The following DCC variants were observed in gnomAD, a reference collection of about 807,000 sequenced individuals.
DCC encodes DCC netrin 1 receptor.
A neutral mutation model predicts 172.5 loss-of-function variants in DCC; 58 were observed. The ratio of observed to expected loss-of-function variants is 0.34; its 90% CI spans 0.27 to 0.42. DCC has a LOEUF of 0.42. Ranked by LOEUF, DCC falls within the 10% of genes least tolerant of loss-of-function variation. DCC has a pLI of 1.00. For missense variants in DCC, 1,740 were observed against 1,791.0 expected (o/e 0.97, Z 0.51); for synonymous variants, 709 against 644.5 (o/e 1.10, Z -1.52).
chr18:52,817,612 A>T (rs1388534347), intron 2 of DCC, among the ~76,000 whole-genome samples: 1 of 152,134 alleles, frequency 6.6e-6, no homozygotes, highest in Non-Finnish European at 1.5e-5. Context: ...ATATATTTTC[A>T]TCTTAATGAG....
intron 1 of DCC, among the ~76,000 whole-genome samples, chr18:52,637,470 A>C (rs1807073234): frequency 6.6e-6 from 1 of 152,168 alleles, no homozygotes. Flanking sequence ...TAAAGAAAAA[A>C]AAATAAAGAA....
intron 7 of DCC, among the ~76,000 whole-genome samples, chr18:53,146,610 T>C (rs1309316231): frequency 2.0e-5 from 3 of 152,208 alleles, no homozygotes; most frequent in Non-Finnish European, 2.9e-5. Flanking sequence ...AAACACTCAA[T>C]TCATAGAAAG....
rs143475598 is a variant in DCC at position 52,446,087 on chromosome 18, C to T, written c.91+105209C>T. Among the ~76,000 whole-genome samples the T allele has an allele frequency of 3.7e-3, 559 of 152,232 alleles. 4 individuals carry two copies. The highest frequency in any genetic ancestry group is 0.013 in the African/African-American group (533 of 41,534). On this transcript the variant is annotated intron_variant, in intron 1 of 28. Transcript: ENST00000442544. ...AGCTGGGACTACAGGCGCCCGCCACCGCACCCCGCTAATTCTTTTGTATTT... is the reference window on the plus strand; with the variant it reads ...AGCTGGGACTACAGGCGCCCGCCACTGCACCCCGCTAATTCTTTTGTATTT...
chr18:52,420,850 T>C (rs192958816), intron 1 of DCC, among the ~76,000 whole-genome samples: 211 of 152,010 alleles, frequency 1.4e-3, no homozygotes, highest in Non-Finnish European at 1.2e-3. Context: ...TTAATGAGGA[T>C]TGGGTTTAGA....
At chr18:52,837,818 G>T (rs1002147970) in intron 2 of DCC, among the ~76,000 whole-genome samples, 1 of 152,106 alleles carries the variant, frequency 6.6e-6, no homozygotes, top group Middle Eastern at 3.2e-3. Context: ...AGATCTGCCC[G>T]GGACTGGGTA....
At chr18:53,408,013 G>A (rs1042446776) in intron 19 of DCC, among the ~76,000 whole-genome samples, 1 of 152,096 alleles carries the variant, frequency 6.6e-6, no homozygotes, top group Non-Finnish European at 1.5e-5. Flanking sequence ...TGTTGGTAAG[G>A]CTTTTAGTTT....
chr18:52,554,458 T>A (rs747512315), intron 1 of DCC, among the ~76,000 whole-genome samples: 5 of 152,078 alleles, frequency 3.3e-5, no homozygotes, highest in African/African-American at 4.8e-5. Context: ...TCTGACAAGA[T>A]GAAATTTAAA....
chr18:52,774,094 G>A (rs1305894901), intron 2 of DCC, among the ~76,000 whole-genome samples: 2 of 152,210 alleles, frequency 1.3e-5, no homozygotes, highest in Non-Finnish European at 1.5e-5. Context: ...GGTAAACTGT[G>A]GCGTGGAGCC....
chr18:53,429,289 C>A (rs1568127381), intron 21 of DCC, among the ~76,000 whole-genome samples: 1 of 58,664 alleles, frequency 1.7e-5, no homozygotes, highest in South Asian at 4.5e-4. Flanking sequence ...CACATGCATG[C>A]CTCAGACAGT....
intron 23 of DCC, among the ~76,000 whole-genome samples, chr18:53,457,547 G>C (rs547924189): frequency 1.3e-5 from 2 of 152,166 alleles, no homozygotes; most frequent in Admixed American, 6.5e-5. Context: ...TAGAAAGAGA[G>C]ATAACAGGGT....
intron 1 of DCC, among the ~76,000 whole-genome samples, chr18:52,510,587 T>C (rs2031401650): frequency 6.6e-6 from 1 of 152,192 alleles, no homozygotes; most frequent in Admixed American, 6.5e-5. Flanking sequence ...TTTCCACTCA[T>C]TCCTAACTCT....
chr18:52,926,861 G>GTA (rs1389144331), intron 5 of DCC, among the ~76,000 whole-genome samples: 1 of 143,204 alleles, frequency 7.0e-6, no homozygotes, highest in Non-Finnish European at 1.5e-5. Flanking sequence ...ACGTGTGTGT[G>GTA]TATATATACA....
chr18:53,169,123 C>T (rs2054971638), intron 8 of DCC, among the ~76,000 whole-genome samples: 1 of 152,182 alleles, frequency 6.6e-6, no homozygotes, highest in South Asian at 2.1e-4. Context: ...CACAATGGTG[C>T]ATCGCATGTT....
At chr18:52,723,254 C>T (rs2036500283) in intron 1 of DCC, among the ~76,000 whole-genome samples, 1 of 152,116 alleles carries the variant, frequency 6.6e-6, no homozygotes, top group Non-Finnish European at 1.5e-5. Context: ...TGAAATATTT[C>T]TATTGGCAGT....
intron 19 of DCC, among the ~76,000 whole-genome samples, chr18:53,409,841 T>C (rs1382701227): frequency 2.0e-5 from 3 of 152,162 alleles, no homozygotes; most frequent in Non-Finnish European, 4.4e-5. Context: ...AGAAATAGTA[T>C]ACTGGTAAAG....
At chr18:52,498,625 A>G (rs2030894936) in intron 1 of DCC, among the ~76,000 whole-genome samples, 1 of 152,124 alleles carries the variant, frequency 6.6e-6, no homozygotes, top group Non-Finnish European at 1.5e-5. Flanking sequence ...CTCTGTCTCA[A>G]AAAAACAAAA....
intron 6 of DCC, among the ~76,000 whole-genome samples, chr18:53,064,280 T>C (rs1191717759): frequency 6.6e-6 from 1 of 152,170 alleles, no homozygotes; most frequent in Non-Finnish European, 1.5e-5. Flanking sequence ...CTATGAAATC[T>C]CACTTATAGG....
chr18:53,526,982 A>G (rs1462978649), intron 28 of DCC: 1 of 550,218 alleles, frequency 1.8e-6, no homozygotes, highest in South Asian at 2.0e-5. Context: ...AAAAAAGTTG[A>G]TTCTTAAGGA....
chr18:53,356,123 T>C (rs2057875326), intron 15 of DCC, among the ~76,000 whole-genome samples: 1 of 152,202 alleles, frequency 6.6e-6, no homozygotes, highest in East Asian at 1.9e-4. Context: ...GGTGTGATCA[T>C]GGCTCACTGC....
Sources: allele counts gnomAD v4.1 joint callset (sites outside exome capture counted in the v4.1 genomes callset), GRCh38; gene constraint gnomAD v4.1.1; transcripts MANE v1.5; gene names NCBI Gene and HGNC (gene_info 2026-07-23, HGNC 2026-07-21).